The following FADS6 variants were observed in gnomAD, a reference collection of about 807,000 sequenced individuals.
The protein encoded by FADS6 is fatty acid desaturase domain family, member 6.
In FADS6, 28 loss-of-function variants were observed where a neutral mutation model predicts 31.7. That is an observed-to-expected ratio of 0.88 (90% confidence interval 0.66 to 1.21). The LOEUF (loss-of-function observed/expected upper bound fraction) is 1.21, where lower values mean the gene tolerates loss of function less well. Ranked by LOEUF, FADS6 falls within the 50% of genes most tolerant of loss-of-function variation. The pLI, the probability that FADS6 is intolerant of heterozygous loss-of-function variation, is 0.00. For missense variants in FADS6, 494 were observed against 504.2 expected (o/e 0.98, Z 0.19); for synonymous variants, 191 against 213.1 (o/e 0.90, Z 0.90).
chr17:74,879,319 A>C (rs1488803097), intron 5 of FADS6, 85 bp downstream of exon 5: 1 of 1,511,456 alleles, frequency 6.6e-7, no homozygotes, highest in East Asian at 2.3e-5. Context: ...TTATAGTGTG[A>C]GCAACGCCCC....
chr17:74,882,440 TA>T, intron 3 of FADS6, 89 bp downstream of exon 3: 2 of 1,414,242 alleles, frequency 1.4e-6, no homozygotes, highest in Non-Finnish European at 1.9e-6. Context: ...CCTTCCTCTA[TA>T]AGCAGCCTCC....
chr17:74,891,888 C>T (rs1162340936), intron 2 of FADS6, among the ~76,000 whole-genome samples: 1 of 152,160 alleles, frequency 6.6e-6, no homozygotes, highest in Admixed American at 6.5e-5. Flanking sequence ...GGTGACCAGG[C>T]GACGGTCCCC....
chr17:74,875,849 T>C (rs1008182897), downstream of FADS6, among the ~76,000 whole-genome samples: 3 of 152,154 alleles, frequency 2.0e-5, no homozygotes, highest in Non-Finnish European at 4.4e-5. Flanking sequence ...CTCCACTCTA[T>C]CAGTCAACCT....
At chr17:74,885,441 C>G (rs1179136040) in intron 2 of FADS6, among the ~76,000 whole-genome samples, 1 of 152,184 alleles carries the variant, frequency 6.6e-6, no homozygotes, top group East Asian at 1.9e-4. Flanking sequence ...CAGAAGCCCC[C>G]AGCATTCTGA....
At position 74,889,534 on chromosome 17, in the gene FADS6, T is replaced by C. The variant is rs1250336068; in HGVS notation, c.411+2989A>G. ...CCTGTTGAGCTTTGCAAACTTGCAG[T>C]TAAAAAAACAACAAAAACAAAACAA... On this transcript the variant is annotated intron_variant, in intron 2 of 5. Coordinates refer to ENST00000612771, the MANE Select transcript of FADS6 (RefSeq NM_178128.6). Among the ~76,000 whole-genome samples, 4 of 149,578 alleles carry C rather than the reference T, an allele frequency of 2.7e-5. No individual in the cohort carries two copies. The East Asian group carries it at 7.8e-4, about 29-fold the overall frequency.
intron 2 of FADS6, among the ~76,000 whole-genome samples, chr17:74,890,512 C>G (rs185660769): frequency 6.6e-6 from 1 of 152,182 alleles, no homozygotes; most frequent in Non-Finnish European, 1.5e-5. Flanking sequence ...GCAGGTGTCA[C>G]GACATGAAGC....
intron 2 of FADS6, among the ~76,000 whole-genome samples, chr17:74,884,998 G>A (rs1297018698): frequency 6.6e-6 from 1 of 152,110 alleles, no homozygotes; most frequent in Non-Finnish European, 1.5e-5. Context: ...GTGAGCCACT[G>A]CGCCCAGCCT....
downstream of FADS6, among the ~76,000 whole-genome samples, chr17:74,875,458 C>T (rs936962890): frequency 5.3e-5 from 8 of 152,194 alleles, no homozygotes; most frequent in African/African-American, 1.9e-4. Flanking sequence ...ATTCCCAGCC[C>T]ACATCCTAAG....
chr17:74,887,345 A>G (rs2038634085), intron 2 of FADS6, among the ~76,000 whole-genome samples: 1 of 152,142 alleles, frequency 6.6e-6, no homozygotes, highest in African/African-American at 2.4e-5. Context: ...TTGGCCTCCC[A>G]AGGTGGTGGG....
At chr17:74,892,092 C>T (rs150481364) in intron 2 of FADS6, among the ~76,000 whole-genome samples, 3 of 152,156 alleles carry the variant, frequency 2.0e-5, no homozygotes, top group Non-Finnish European at 1.5e-5. Flanking sequence ...CTGGAGCTGA[C>T]CCCGGGGAGC....
rs2038545491 is a variant in FADS6 at position 74,879,549 on chromosome 17, T to A, written c.815A>T (p.Lys272Met). 6.2e-7 allele frequency: 1 copy of A among 1,613,140 alleles called. No individual in the cohort carries two copies. Among genetic ancestry groups the A allele is most frequent in the African/African-American group, 1.3e-5 (1 of 74,996 alleles). ...GCTCATCATGTGAATCCGACGGGGC[T>A]TGTTGTCCCGGGAGAACATGGGCAG... ...IGLPMFSRDN[K>M]PRRIHMMSLG... is the part of the protein sequence containing the mutation. The change falls in exon 5 of 6, where the codon AAG (lysine) becomes ATG (methionine). Residue 272 changes from lysine to methionine, a missense_variant. Coordinates refer to ENST00000612771, the MANE Select transcript of FADS6 (RefSeq NM_178128.6).
intron 1 of FADS6, 114 bp from the exon 2 acceptor site, chr17:74,892,803 C>T (rs1054477774): frequency 1.5e-5 from 16 of 1,070,664 alleles, no homozygotes; most frequent in Non-Finnish European, 2.0e-5. Flanking sequence ...GCTCTGGGGG[C>T]TGCCACTGGC....
In FADS6 at chr17:74,893,592, C is replaced by T. The variant is rs1182921379; in HGVS notation, c.4G>A (p.Glu2Lys). 5 of 1,410,444 alleles carry T rather than the reference C, an allele frequency of 3.5e-6. No individual in the cohort carries two copies. Among genetic ancestry groups the T allele is most frequent in the Non-Finnish European group, 4.6e-6 (5 of 1,080,208 alleles). The allele number at this position is 1,410,444 out of a possible 1,614,324, so 87.4% of individuals were successfully genotyped here. ...GTAGGTTCCATCGGCTCCGTGGGTTCCATGGACTCTGTGGGCTCGGGCCCG... is the reference window on the plus strand; with the variant it reads ...GTAGGTTCCATCGGCTCCGTGGGTTTCATGGACTCTGTGGGCTCGGGCCCG... M[E>K]PTEPMEPTEP... The change falls in exon 1 of 6, where the codon GAA (glutamate) becomes AAA (lysine). Residue 2 changes from glutamate to lysine, a missense_variant. Physicochemically the swap from Glu to Lys is moderately conservative, Grantham distance 56. Around this residue, in one of 2 missense-constraint regions of FADS6, gnomAD observed 40 missense variants for 65.7 expected, o/e 0.61. Coordinates refer to ENST00000612771, the MANE Select transcript of FADS6 (RefSeq NM_178128.6).
At chr17:74,876,376 A>AT (rs2038508423), downstream of FADS6, among the ~76,000 whole-genome samples, 1 of 152,194 alleles carries the variant, frequency 6.6e-6, no homozygotes, top group African/African-American at 2.4e-5. Flanking sequence ...CAACTCAGCA[A>AT]TGTCTGGAGA....
downstream of FADS6, among the ~76,000 whole-genome samples, chr17:74,875,613 A>G (rs576736984): frequency 6.6e-6 from 1 of 152,354 alleles, no homozygotes; most frequent in East Asian, 1.9e-4. Context: ...TTGGTTATGT[A>G]TTTGGATGGT....
intron 2 of FADS6, 24 bp from the exon 3 acceptor site, chr17:74,882,734 C>T (rs2038585747): frequency 6.3e-7 from 1 of 1,597,448 alleles, no homozygotes; most frequent in Admixed American, 1.7e-5. Context: ...CCAGAAATGA[C>T]ACTGGGGTCC....
At chr17:74,891,239 C>T (rs948935648) in intron 2 of FADS6, among the ~76,000 whole-genome samples, 6 of 151,668 alleles carry the variant, frequency 4.0e-5, no homozygotes, top group African/African-American at 7.3e-5. Context: ...GGTTTCACCA[C>T]GTTGGTCATG....
At chr17:74,892,794 C>T (rs1337919518) in intron 1 of FADS6, 105 bp from the exon 2 acceptor site, 4 of 1,171,694 alleles carry the variant, frequency 3.4e-6, no homozygotes, top group Admixed American at 2.8e-5. Context: ...GTGGGCTAGG[C>T]TCTGGGGGCT....
chr17:74,893,375 A>G lies in FADS6; in HGVS notation c.221T>C (p.Leu74Pro), dbSNP rs1481599122. 6.5e-7 allele frequency: 1 copy of G among 1,529,926 alleles called. No homozygotes were observed. Among genetic ancestry groups the G allele is most frequent in the South Asian group, 1.2e-5 (1 of 82,484 alleles). The allele number at this position is 1,529,926 out of a possible 1,614,324, so 94.8% of individuals were successfully genotyped here. A position where few individuals can be genotyped will look rare whatever the true frequency, so the allele number is the denominator to read the frequency against. ...ACCTGCCGGCAAGGCGAAGAGGCTG[A>G]GCGCGAGGATGGCGCAGTCCACGCC... Reference protein sequence around the residue: ...RHGVDCAILALSLFALPAGFL... With the variant: ...RHGVDCAILAPSLFALPAGFL... Residue 74 changes from leucine (L) to proline (P), a missense_variant, in exon 1 of 6, where the codon CTC (leucine) becomes CCC (proline). By Grantham distance (98) the Leu-to-Pro change is moderately conservative (BLOSUM62 -3). Transcript: ENST00000612771.
Sources: gnomAD v4.1 joint callset for allele counts (sites outside exome capture counted in the v4.1 genomes callset) on GRCh38, gnomAD v4.1.1 for gene constraint, gnomAD v4.1.1 regional missense constraint, MANE v1.5 for transcripts, NCBI Gene and HGNC (gene_info 2026-07-23, HGNC 2026-07-21) for gene names.